MARCHF1: variants seen among roughly 807,000 people sequenced by gnomAD.
MARCHF1 encodes the protein E3 ubiquitin-protein ligase MARCHF1.
MARCHF1 carries 40 observed loss-of-function variants against 54.2 expected under a neutral mutation model. The ratio of observed to expected loss-of-function variants is 0.74; its 90% CI spans 0.57 to 0.96. MARCHF1 has a LOEUF of 0.96. Among genes scored for constraint, MARCHF1 ranks in the 40% least tolerant of loss-of-function variants. MARCHF1 has a pLI of 0.00. For missense variants in MARCHF1, 586 were observed against 656.5 expected (o/e 0.89, Z 1.17); for synonymous variants, 236 against 236.3 (o/e 1.00, Z 0.01).
At chr4:164,312,472 G>A (rs1462739559) in intron 1 of MARCHF1, among the ~76,000 whole-genome samples, 1 of 151,508 alleles carries the variant, frequency 6.6e-6, no homozygotes, top group African/African-American at 2.4e-5. Context: ...ACAGGCGCCC[G>A]CCACTACGCC....
chr4:164,119,725 C>T (rs1224980630), intron 1 of MARCHF1, among the ~76,000 whole-genome samples: 1 of 151,542 alleles, frequency 6.6e-6, no homozygotes, highest in Non-Finnish European at 1.5e-5. Flanking sequence ...CAAGTTTATG[C>T]AAATAAATTT....
chr4:164,140,718 T>C (rs1476822858), intron 1 of MARCHF1, among the ~76,000 whole-genome samples: 1 of 151,756 alleles, frequency 6.6e-6, no homozygotes, highest in East Asian at 1.9e-4. Context: ...CAGCAGGACC[T>C]TGATGGAACC....
intron 3 of MARCHF1, among the ~76,000 whole-genome samples, chr4:163,949,305 C>T (rs774893712): frequency 6.6e-6 from 1 of 152,198 alleles, no homozygotes; most frequent in East Asian, 1.9e-4. Context: ...ACGGCTTCCA[C>T]GGCTGGTACT....
At chr4:163,794,809 A>C (rs897784410) in intron 4 of MARCHF1, among the ~76,000 whole-genome samples, 1 of 152,200 alleles carries the variant, frequency 6.6e-6, no homozygotes, top group African/African-American at 2.4e-5. Context: ...AGCTTTAAAA[A>C]ATTTTATTTT....
intron 1 of MARCHF1, among the ~76,000 whole-genome samples, chr4:164,188,144 A>G (rs571086033): frequency 7.2e-5 from 11 of 152,356 alleles, no homozygotes; most frequent in African/African-American, 2.6e-4. Context: ...TTGAATGCCT[A>G]CAGTCCCAGA....
At chr4:164,040,438 A>T (rs951430162) in intron 2 of MARCHF1, among the ~76,000 whole-genome samples, 3 of 147,622 alleles carry the variant, frequency 2.0e-5, no homozygotes, top group Non-Finnish European at 4.5e-5. Context: ...ATAAATATAT[A>T]GGTATATCCT....
At chr4:164,077,378 C>T (rs540774578) in intron 2 of MARCHF1, among the ~76,000 whole-genome samples, 1 of 152,182 alleles carries the variant, frequency 6.6e-6, no homozygotes, top group South Asian at 2.1e-4. Context: ...CCAAAATTAA[C>T]TCAAGATAGA....
At chr4:163,962,814 A>T (rs1238827674) in intron 3 of MARCHF1, among the ~76,000 whole-genome samples, 3 of 151,912 alleles carry the variant, frequency 2.0e-5, no homozygotes, top group Non-Finnish European at 2.9e-5. Flanking sequence ...AAGCTTTTTA[A>T]AGCGATTTTT....
chr4:163,698,320 A>T (rs77838818), intron 5 of MARCHF1, among the ~76,000 whole-genome samples: 4,505 of 152,282 alleles, frequency 0.03, 78 homozygotes, highest in East Asian at 0.077. Flanking sequence ...TCATGATTGA[A>T]AAATTATGTA....
chr4:164,157,420 T>C (rs1730106825), intron 1 of MARCHF1, among the ~76,000 whole-genome samples: 1 of 152,170 alleles, frequency 6.6e-6, no homozygotes, highest in Admixed American at 6.6e-5. Context: ...TGCATATTGC[T>C]CTGTGTTCAA....
intron 2 of MARCHF1, among the ~76,000 whole-genome samples, chr4:164,032,916 T>C (rs780705584): frequency 2.0e-5 from 3 of 152,114 alleles, no homozygotes; most frequent in Non-Finnish European, 4.4e-5. Flanking sequence ...ACTACAAGTC[T>C]ATAGTAACGA....
chr4:163,648,894 G>T (rs1742861631), intron 5 of MARCHF1, among the ~76,000 whole-genome samples: 4 of 148,836 alleles, frequency 2.7e-5, no homozygotes, highest in Admixed American at 2.7e-4. Flanking sequence ...TGCCTCCAAG[G>T]TATTGCTACA....
At chr4:163,929,157 C>A (rs997637023) in intron 3 of MARCHF1, among the ~76,000 whole-genome samples, 1 of 151,984 alleles carries the variant, frequency 6.6e-6, no homozygotes, top group Non-Finnish European at 1.5e-5. Flanking sequence ...CTATATCCAG[C>A]TACATTAATC....
At chr4:164,295,976 C>T (rs1031602655) in intron 1 of MARCHF1, among the ~76,000 whole-genome samples, 2 of 152,134 alleles carry the variant, frequency 1.3e-5, no homozygotes, top group Admixed American at 6.5e-5. Flanking sequence ...AATACACACA[C>T]ACGCAAACCA....
At chr4:164,102,735 T>C (rs918200174) in intron 2 of MARCHF1, among the ~76,000 whole-genome samples, 63 of 151,660 alleles carry the variant, frequency 4.2e-4, no homozygotes, top group South Asian at 8.5e-4. Flanking sequence ...GCTAACATCA[T>C]AATGACAGGA....
At chr4:164,224,102 A>G (rs1016363992) in intron 1 of MARCHF1, among the ~76,000 whole-genome samples, 5 of 151,254 alleles carry the variant, frequency 3.3e-5, no homozygotes, top group African/African-American at 7.3e-5. Flanking sequence ...CACAGGCCAC[A>G]TGTGGCCCAG....
intron 3 of MARCHF1, among the ~76,000 whole-genome samples, chr4:163,953,539 G>A (rs62348061): frequency 2.0e-5 from 3 of 151,904 alleles, no homozygotes; most frequent in African/African-American, 4.8e-5. Flanking sequence ...TCAGATCTAC[G>A]TATATAGTGC....
intron 1 of MARCHF1, among the ~76,000 whole-genome samples, chr4:164,357,655 C>T (rs574638511): frequency 1.3e-5 from 2 of 152,136 alleles, no homozygotes; most frequent in African/African-American, 4.8e-5. Flanking sequence ...GAGAATAATT[C>T]TGAGTATAGC....
intron 3 of MARCHF1, among the ~76,000 whole-genome samples, chr4:163,873,123 C>T (rs1051313637): frequency 1.3e-5 from 2 of 152,038 alleles, no homozygotes; most frequent in African/African-American, 4.8e-5. Flanking sequence ...TTGTTACAAA[C>T]TGGAAAAATA....
Sources: gnomAD v4.1 joint callset for allele counts (sites outside exome capture counted in the v4.1 genomes callset) on GRCh38, gnomAD v4.1.1 for gene constraint, MANE v1.5 for transcripts, NCBI Gene and HGNC (gene_info 2026-07-23, HGNC 2026-07-21) for gene names.